RYR2: variants seen among roughly 807,000 people sequenced by gnomAD.
RYR2 encodes the protein ryanodine receptor 2.
Under a neutral mutation model 601.1 loss-of-function variants are expected in RYR2, and 227 were observed. The ratio of observed to expected loss-of-function variants is 0.38; its 90% CI spans 0.34 to 0.42. RYR2 has a LOEUF of 0.42. Among genes scored for constraint, RYR2 ranks in the 10% least tolerant of loss-of-function variants. RYR2 has a pLI of 1.00. For missense variants in RYR2, 4,646 were observed against 6,156.5 expected (o/e 0.75, Z 8.21); for synonymous variants, 2,223 against 2,175.1 (o/e 1.02, Z -0.61).
intron 13 of RYR2, among the ~76,000 whole-genome samples, chr1:237,445,071 G>A (rs1218302779): frequency 6.6e-6 from 1 of 152,122 alleles, no homozygotes; most frequent in Non-Finnish European, 1.5e-5. Context: ...AACTGAGATG[G>A]GCAAGGTGAT....
chr1:237,263,515 T>A (rs1307908010), intron 1 of RYR2, among the ~76,000 whole-genome samples: 1 of 152,228 alleles, frequency 6.6e-6, no homozygotes, highest in Non-Finnish European at 1.5e-5. Context: ...TCATGGTTTA[T>A]GAATTCTGTT....
intron 16 of RYR2, among the ~76,000 whole-genome samples, chr1:237,468,856 C>A (rs983262297): frequency 6.6e-6 from 1 of 152,156 alleles, no homozygotes; most frequent in Non-Finnish European, 1.5e-5. Flanking sequence ...AATTCACTTT[C>A]CGAAATTACA....
chr1:237,795,728 G>T (rs1377435666), intron 96 of RYR2, among the ~76,000 whole-genome samples: 4 of 151,672 alleles, frequency 2.6e-5, no homozygotes, highest in African/African-American at 9.7e-5. Flanking sequence ...TGGGATTAAA[G>T]GCATGAGCCA....
At chr1:237,707,598 A>T (rs1270513299) in intron 68 of RYR2, among the ~76,000 whole-genome samples, 1 of 152,204 alleles carries the variant, frequency 6.6e-6, no homozygotes. Flanking sequence ...GCCATCTGTT[A>T]TATAGAGAAT....
intron 13 of RYR2, among the ~76,000 whole-genome samples, chr1:237,442,687 G>A (rs796117960): frequency 4.0e-5 from 6 of 151,860 alleles, no homozygotes; most frequent in African/African-American, 9.7e-5. Flanking sequence ...TTTTCCTGTA[G>A]CATCGAGTTT....
At chr1:237,460,919 G>A (rs1194079199) in intron 16 of RYR2, among the ~76,000 whole-genome samples, 1 of 152,064 alleles carries the variant, frequency 6.6e-6, no homozygotes, top group Non-Finnish European at 1.5e-5. Flanking sequence ...TTGGATGTTT[G>A]TTATCATCCT....
chr1:237,635,697 A>G (rs1362956429), intron 44 of RYR2, among the ~76,000 whole-genome samples: 1 of 152,088 alleles, frequency 6.6e-6, no homozygotes, highest in Non-Finnish European at 1.5e-5. Flanking sequence ...GTACTCCCCA[A>G]AGGCTTTCTA....
chr1:237,582,452 G>T (rs986142917), intron 29 of RYR2, among the ~76,000 whole-genome samples: 7 of 151,442 alleles, frequency 4.6e-5, no homozygotes, highest in African/African-American at 1.7e-4. Flanking sequence ...TTTGATTTTA[G>T]ATTCAGAAGC....
chr1:237,135,990 C>T (rs1183614853), intron 1 of RYR2, among the ~76,000 whole-genome samples: 1 of 152,204 alleles, frequency 6.6e-6, no homozygotes, highest in Non-Finnish European at 1.5e-5. Flanking sequence ...AGGCCCCACT[C>T]ATTTCCCACT....
intron 29 of RYR2, among the ~76,000 whole-genome samples, chr1:237,588,649 A>G (rs1027110927): frequency 2.6e-5 from 4 of 152,146 alleles, no homozygotes; most frequent in African/African-American, 9.7e-5. Context: ...CCTGGCCAAC[A>G]TGGTGAAACC....
chr1:237,124,788 G>A (rs777814058), intron 1 of RYR2, among the ~76,000 whole-genome samples: 9 of 152,020 alleles, frequency 5.9e-5, no homozygotes, highest in Non-Finnish European at 1.0e-4. Context: ...TGGGGGGCGC[G>A]GGGGGCATTG....
intron 67 of RYR2, among the ~76,000 whole-genome samples, chr1:237,706,110 G>A (rs368826487): frequency 3.3e-5 from 5 of 152,214 alleles, no homozygotes; most frequent in South Asian, 4.2e-4. Flanking sequence ...TTAGCCGGGC[G>A]TGGTGGTGTG....
chr1:237,300,514 CA>C (rs1693242971), intron 2 of RYR2, among the ~76,000 whole-genome samples: 1 of 152,176 alleles, frequency 6.6e-6, no homozygotes, highest in Non-Finnish European at 1.5e-5. Flanking sequence ...GAGGACCAAA[CA>C]CTACTCTCGT....
At chr1:237,160,733 G>A (rs1262270656) in intron 1 of RYR2, among the ~76,000 whole-genome samples, 1 of 151,654 alleles carries the variant, frequency 6.6e-6, no homozygotes, top group African/African-American at 2.4e-5. Flanking sequence ...TTTAAACTTG[G>A]AATTTCTTTC....
chr1:237,736,782 T>C (rs1159424742), intron 79 of RYR2, among the ~76,000 whole-genome samples: 4 of 152,208 alleles, frequency 2.6e-5, no homozygotes, highest in Non-Finnish European at 4.4e-5. Context: ...TTTTAGGCTG[T>C]TGTCTACGAA....
chr1:237,586,450 G>T (rs571712049), intron 29 of RYR2, among the ~76,000 whole-genome samples: 32 of 152,320 alleles, frequency 2.1e-4, no homozygotes, highest in African/African-American at 7.0e-4. Context: ...AGGGGCAGGA[G>T]TTACAGAAGA....
intron 4 of RYR2, among the ~76,000 whole-genome samples, chr1:237,357,658 T>C (rs892652822): frequency 6.6e-6 from 1 of 152,204 alleles, no homozygotes; most frequent in Non-Finnish European, 1.5e-5. Context: ...ATCATTGCAG[T>C]AGAGATTGCC....
At chr1:237,141,476 G>C (rs1238283866) in intron 1 of RYR2, among the ~76,000 whole-genome samples, 1 of 152,178 alleles carries the variant, frequency 6.6e-6, no homozygotes, top group African/African-American at 2.4e-5. Flanking sequence ...TTATGGGGTA[G>C]TCTGGGACCT....
At chr1:237,684,945 A>AAG (rs397722429) in intron 62 of RYR2, among the ~76,000 whole-genome samples, 1 of 151,172 alleles carries the variant, frequency 6.6e-6, no homozygotes, top group African/African-American at 2.4e-5. Flanking sequence ...AAAAAAAAAA[A>AAG]TACTGTAAAC....
Sources: allele counts gnomAD v4.1 joint callset (sites outside exome capture counted in the v4.1 genomes callset), GRCh38; gene constraint gnomAD v4.1.1; transcripts MANE v1.5; gene names NCBI Gene and HGNC (gene_info 2026-07-23, HGNC 2026-07-21).